The following ABCA13 variants were observed in gnomAD, a reference collection of about 807,000 sequenced individuals.
ABCA13 encodes ATP-binding cassette sub-family A member 13.
Under a neutral mutation model 478.7 loss-of-function variants are expected in ABCA13, and 476 were observed. The observed-to-expected ratio is 0.99, with a 90% CI of 0.92 to 1.07. The LOEUF (loss-of-function observed/expected upper bound fraction) is 1.07, where lower values mean the gene tolerates loss of function less well. ABCA13 is among the 50% of genes least tolerant of loss of function. ABCA13 has a pLI of 0.00. For missense variants in ABCA13, 6,060 were observed against 5,910.6 expected (o/e 1.03, Z -0.83); for synonymous variants, 2,252 against 2,158.9 (o/e 1.04, Z -1.20).
At chr7:48,464,425 A>G (rs1293110305) in intron 43 of ABCA13, among the ~76,000 whole-genome samples, 3 of 152,210 alleles carry the variant, frequency 2.0e-5, no homozygotes, top group African/African-American at 7.2e-5. Flanking sequence ...ACAGTTGTAA[A>G]CCATACGAAT....
At chr7:48,552,709 G>C (rs537411945) in intron 55 of ABCA13, among the ~76,000 whole-genome samples, 13 of 151,142 alleles carry the variant, frequency 8.6e-5, no homozygotes, top group East Asian at 3.9e-4. Flanking sequence ...TGGTACATAA[G>C]GGTTATATAT....
At chr7:48,303,273 C>T (rs1034668009) in intron 23 of ABCA13, among the ~76,000 whole-genome samples, 4 of 152,016 alleles carry the variant, frequency 2.6e-5, no homozygotes, top group Admixed American at 1.3e-4. Flanking sequence ...CAAAACCTCC[C>T]GTTCTGTAGA....
chr7:48,333,676 G>A (rs993897858), intron 27 of ABCA13, among the ~76,000 whole-genome samples: 17 of 152,146 alleles, frequency 1.1e-4, no homozygotes, highest in Non-Finnish European at 1.6e-4. Flanking sequence ...TGGTTTATCT[G>A]ATGCATCTGG....
chr7:48,222,008 AT>A (rs1343383279), intron 5 of ABCA13, among the ~76,000 whole-genome samples: 2 of 152,240 alleles, frequency 1.3e-5, no homozygotes, highest in African/African-American at 2.4e-5. Context: ...ACAGAAGCAT[AT>A]GTGTCTGTAT....
intron 20 of ABCA13, among the ~76,000 whole-genome samples, chr7:48,291,899 C>T (rs1443658272): frequency 5.3e-5 from 8 of 152,122 alleles, no homozygotes; most frequent in African/African-American, 1.9e-4. Context: ...ACTCAGCTCC[C>T]GGCACTTTCC....
At chr7:48,609,966 A>G (rs1238617226) in intron 58 of ABCA13, among the ~76,000 whole-genome samples, 1 of 152,160 alleles carries the variant, frequency 6.6e-6, no homozygotes, top group African/African-American at 2.4e-5. Context: ...AATCTAAATC[A>G]TATTATTTCA....
At chr7:48,345,165 A>G (rs1375460771) in intron 29 of ABCA13, among the ~76,000 whole-genome samples, 1 of 152,220 alleles carries the variant, frequency 6.6e-6, no homozygotes, top group African/African-American at 2.4e-5. Flanking sequence ...GTGTAAACAA[A>G]CCTACTGCAC....
intron 55 of ABCA13, among the ~76,000 whole-genome samples, chr7:48,530,866 T>C (rs1833182400): frequency 6.6e-6 from 1 of 152,190 alleles, no homozygotes; most frequent in African/African-American, 2.4e-5. Context: ...TTGTTTGAGT[T>C]CTTTGTAGAT....
In ABCA13 at chr7:48,381,315, G is replaced by A. The variant is rs151178457; in HGVS notation, c.11335+4743G>A. Among the ~76,000 whole-genome samples the A allele has an allele frequency of 2.4e-3, 371 of 152,140 alleles. 2 individuals carry two copies. The highest frequency in any genetic ancestry group is 8.6e-3 in the African/African-American group (358 of 41,498). ...GGGTGTCTCCAGATGGGAGGTAGGAGGCAGGAGGCAGGTGAGAAATTTCTC... is the reference window on the plus strand; with the variant it reads ...GGGTGTCTCCAGATGGGAGGTAGGAAGCAGGAGGCAGGTGAGAAATTTCTC... On this transcript the variant is annotated intron_variant, in intron 35 of 61. Transcript: ENST00000435803.
intron 3 of ABCA13, among the ~76,000 whole-genome samples, chr7:48,203,288 G>A (rs868141243): frequency 6.4e-4 from 97 of 152,280 alleles, no homozygotes; most frequent in Middle Eastern, 6.8e-3. Flanking sequence ...GTTCCCGCTC[G>A]CGCCTCTCCC....
chr7:48,481,938 A>T (rs1828810910), intron 46 of ABCA13, among the ~76,000 whole-genome samples: 1 of 152,098 alleles, frequency 6.6e-6, no homozygotes, highest in Non-Finnish European at 1.5e-5. Flanking sequence ...CTTTGCCTGA[A>T]TTTTTGCTGA....
At chr7:48,224,403 A>G (rs1400938672) in intron 5 of ABCA13, among the ~76,000 whole-genome samples, 2 of 151,774 alleles carry the variant, frequency 1.3e-5, no homozygotes, top group Non-Finnish European at 1.5e-5. Flanking sequence ...CAATGGTTCA[A>G]CTCTGGGCAG....
rs532733407 is a variant in ABCA13 at position 48,595,712 on chromosome 7, T to C, written c.14744+899T>C. Among the ~76,000 whole-genome samples, 18 of 152,324 alleles carry C rather than the reference T, an allele frequency of 1.2e-4. 1 individual carries two copies. Among genetic ancestry groups the C allele is most frequent in the African/African-American group, 4.3e-4 (18 of 41,578 alleles). On this transcript the variant is annotated intron_variant, in intron 58 of 61. Transcript: ENST00000435803. ...GCACACAGAGGAGAGGAATGCCAAA[T>C]CTGGTGAAATTACTACCTTATAACA...
At position 48,278,605 on chromosome 7, in the gene ABCA13, A is replaced by G; in HGVS notation, c.7411A>G (p.Thr2471Ala). 6.2e-7 allele frequency: 1 copy of G among 1,613,882 alleles called. No homozygotes were observed. Among genetic ancestry groups the G allele is most frequent in the Non-Finnish European group, 8.5e-7 (1 of 1,179,762 alleles). The change falls in exon 18 of 62, where the codon ACA becomes GCA. Residue 2471 changes from threonine to alanine, a missense_variant. Thr to Ala is a moderately conservative substitution (Grantham distance 58). Around this residue, in one of 3 missense-constraint regions of ABCA13, gnomAD observed 4,423 missense variants for 4,309.1 expected, o/e 1.03. Coordinates refer to ENST00000435803, the MANE Select transcript of ABCA13 (RefSeq NM_152701.5). ...NNSFPLRNRA[T>A]LEITKRLVGA... is the part of the protein sequence containing the mutation. ...TTCATTCCCTCTAAGAAACAGAGCA[A>G]CATTAGAAATTACTAAGAGATTAGT...
At chr7:48,639,067 G>T (rs775001090) in intron 59 of ABCA13, among the ~76,000 whole-genome samples, 1 of 152,098 alleles carries the variant, frequency 6.6e-6, no homozygotes, top group Non-Finnish European at 1.5e-5. Flanking sequence ...GGATTAATTG[G>T]GATAATGTGT....
chr7:48,574,672 T>G, intron 55 of ABCA13, among the ~76,000 whole-genome samples: 1 of 152,220 alleles, frequency 6.6e-6, no homozygotes, highest in East Asian at 1.9e-4. Context: ...TTCCAAAGAC[T>G]AATAACAGCT....
chr7:48,297,144 C>T, intron 21 of ABCA13, 88 bp from the exon 22 acceptor site: 5 of 1,092,896 alleles, frequency 4.6e-6, no homozygotes, highest in Non-Finnish European at 6.7e-6. Context: ...CAGTCCATCT[C>T]TTGGGAGCTG....
chr7:48,565,545 G>C (rs537088872), intron 55 of ABCA13, among the ~76,000 whole-genome samples: 1 of 151,872 alleles, frequency 6.6e-6, no homozygotes, highest in African/African-American at 2.4e-5. Flanking sequence ...CCTTTAAACC[G>C]GGGGGATAAA....
intron 27 of ABCA13, among the ~76,000 whole-genome samples, chr7:48,332,858 T>A (rs931435459): frequency 2.6e-5 from 4 of 152,216 alleles, no homozygotes; most frequent in Non-Finnish European, 4.4e-5. Flanking sequence ...CTCTGGCTGC[T>A]TTAAAGCTTT....
Sources: gnomAD v4.1 joint callset for allele counts (sites outside exome capture counted in the v4.1 genomes callset) on GRCh38, gnomAD v4.1.1 for gene constraint, gnomAD v4.1.1 regional missense constraint, MANE v1.5 for transcripts, NCBI Gene and HGNC (gene_info 2026-07-23, HGNC 2026-07-21) for gene names.